IMPG2: variants seen among roughly 807,000 people sequenced by gnomAD.
IMPG2 encodes interphotoreceptor matrix proteoglycan 2, also known as IPM 200.
In IMPG2, 91 loss-of-function variants were observed where a neutral mutation model predicts 129.2. The observed-to-expected ratio is 0.70, with a 90% CI of 0.59 to 0.84. The LOEUF (loss-of-function observed/expected upper bound fraction) is 0.84, where lower values mean the gene tolerates loss of function less well. Among genes scored for constraint, IMPG2 ranks in the 40% least tolerant of loss-of-function variants. The probability of loss-of-function intolerance (pLI) is 0.00; values close to 1 mark genes in which losing one functional copy is unlikely to be tolerated. For missense variants in IMPG2, 1,430 were observed against 1,461.7 expected, an observed-to-expected ratio of 0.98 and a Z score of 0.35; for synonymous variants, 510 against 517.7, an observed-to-expected ratio of 0.99 and a Z score of 0.20.
chr3:101,306,480 A>T (rs1398615235), intron 2 of IMPG2, among the ~76,000 whole-genome samples: 2 of 152,214 alleles, frequency 1.3e-5, no homozygotes, highest in African/African-American at 4.8e-5. Flanking sequence ...GCACTGACTG[A>T]GGCAGAGCTG....
intron 11 of IMPG2, among the ~76,000 whole-genome samples, chr3:101,247,301 T>C (rs1160569106): frequency 6.6e-6 from 1 of 152,066 alleles, no homozygotes; most frequent in Non-Finnish European, 1.5e-5. Flanking sequence ...TTTTCAGTCC[T>C]AAGAAGGTAT....
rs764454738 is a variant in IMPG2 at position 101,244,503 on chromosome 3, C to A, written c.1828G>T (p.Asp610Tyr). 2.2e-5 allele frequency: 36 copies of A among 1,610,734 alleles called. No individual in the cohort carries two copies. The highest frequency in any genetic ancestry group is 2.8e-5 in the Non-Finnish European group (33 of 1,177,742). ...GLGSGSGQKV[D>Y]LITWPWSETS... is the part of the protein sequence containing the mutation. ...TCACTCCATGGCCAAGTAATCAGAT[C>A]TACCTTTTGCCCAGACCCTGAACCT... is the stretch of plus-strand genomic sequence containing the variant. The change falls in exon 13 of 19, where the codon GAT becomes TAT. Residue 610 changes from aspartate (D) to tyrosine (Y), a missense_variant. Coordinates refer to ENST00000193391, the MANE Select transcript of IMPG2 (RefSeq NM_016247.4).
At chr3:101,278,473 AG>A in intron 4 of IMPG2, among the ~76,000 whole-genome samples, 1 of 152,322 alleles carries the variant, frequency 6.6e-6, no homozygotes, top group African/African-American at 2.4e-5. Flanking sequence ...TTTTACTACA[AG>A]CTTAAACAGG....
chr3:101,245,872 C>T lies in IMPG2; in HGVS notation c.1473G>A (p.Pro491=), dbSNP rs371373101. ...VSSLTLHSVT[P]AVLQTGLPVA... ...CAGGCAAGCCAGTCTGAAGCACTGC[C>T]GGGGTGACAGAATGAAGAGTCAAGC... Residue 491 remains proline, a synonymous_variant, in exon 12 of 19, where the codon CCG becomes CCA. Coordinates refer to ENST00000193391, the MANE Select transcript of IMPG2 (RefSeq NM_016247.4). 36 of 1,614,024 alleles carry T rather than the reference C, an allele frequency of 2.2e-5. No individual in the cohort carries two copies. Among genetic ancestry groups the T allele is most frequent in the Middle Eastern group, 1.6e-4 (1 of 6,084 alleles).
rs760775822 is a variant in IMPG2 at position 101,257,813 on chromosome 3, G to A, written c.909-40C>T. On this transcript the variant is annotated intron_variant, in intron 9 of 18. Transcript: ENST00000193391. ...AGAGAACAGGTTAGGTTCAGCTAAG[G>A]AAGCACAAAGAAAGGAGCATTGAAC... 14 of 1,609,428 alleles carry A rather than the reference G, an allele frequency of 8.7e-6. No individual in the cohort carries two copies. The African/African-American group carries it at 1.6e-4, about 18-fold the overall frequency.
At position 101,223,832 on chromosome 3, in the gene IMPG2, T is replaced by C. The variant is rs1394844730; in HGVS notation, c.*3137A>G. The C allele has an allele frequency of 6.6e-6, 1 of 152,208 alleles. No individual in the cohort carries two copies. The highest frequency in any genetic ancestry group is 2.4e-5 in the African/African-American group (1 of 41,440). The allele number at this position is 152,208 out of a possible 1,614,324, so 9.4% of individuals were successfully genotyped here. On this transcript the variant is annotated 3_prime_UTR_variant, in exon 19 of 19. Coordinates refer to ENST00000193391, the MANE Select transcript of IMPG2 (RefSeq NM_016247.4). ...GAATAAAATCAGGTAAAGCCTGCAC[T>C]TGTTTTATTATATAAATTAAATGGG...
intron 14 of IMPG2, among the ~76,000 whole-genome samples, chr3:101,236,128 C>T (rs1576744884): frequency 1.3e-5 from 2 of 152,134 alleles, no homozygotes; most frequent in South Asian, 2.1e-4. Flanking sequence ...TTGTGATTTG[C>T]ATTAGGTTAA....
intron 6 of IMPG2, 91 bp downstream of exon 6, chr3:101,275,572 G>C: frequency 1.1e-6 from 1 of 931,336 alleles, no homozygotes; most frequent in Non-Finnish European, 1.8e-6. Context: ...ACTACATGAA[G>C]TCCTGTGTAG....
chr3:101,264,641 G>A (rs1251160623), intron 9 of IMPG2, among the ~76,000 whole-genome samples: 1 of 152,002 alleles, frequency 6.6e-6, no homozygotes, highest in Non-Finnish European at 1.5e-5. Flanking sequence ...ACTGGAACAA[G>A]GCAAGAATGC....
Position 101,226,816 on chromosome 3 carries a change from G to A in IMPG2, c.*153C>T, listed in dbSNP as rs1576740799. The A allele has an allele frequency of 2.8e-6, 2 of 712,012 alleles. No homozygotes were observed. Among genetic ancestry groups the A allele is most frequent in the Admixed American group, 5.4e-5 (2 of 36,822 alleles). 44.1% of individuals were successfully genotyped at this position (712,012 alleles called of 1,614,324 possible). A position where few individuals can be genotyped will look rare whatever the true frequency, so the allele number is the denominator to read the frequency against. On this transcript the variant is annotated 3_prime_UTR_variant, in exon 19 of 19. Coordinates refer to ENST00000193391, the MANE Select transcript of IMPG2 (RefSeq NM_016247.4). ...CTCTTACTACATTCTGAAAACTTAA[G>A]CTGAAAAAAAAACAGTGTGCCCTAT...
chr3:101,230,140 C>T (rs576623750), intron 16 of IMPG2, among the ~76,000 whole-genome samples: 13 of 152,256 alleles, frequency 8.5e-5, no homozygotes, highest in African/African-American at 3.1e-4. Flanking sequence ...AAGTCAGACA[C>T]AATAAGAATA....
chr3:101,317,324 TA>T (rs1374950082), intron 2 of IMPG2, among the ~76,000 whole-genome samples: 1 of 152,172 alleles, frequency 6.6e-6, no homozygotes, highest in Non-Finnish European at 1.5e-5. Context: ...GTATGCTGTT[TA>T]ATTTTACAAA....
chr3:101,231,422 T>A (rs1168529253), intron 15 of IMPG2, among the ~76,000 whole-genome samples: 1 of 152,232 alleles, frequency 6.6e-6, no homozygotes, highest in Non-Finnish European at 1.5e-5. Context: ...ACATCCTTAT[T>A]TATAGATAAC....
chr3:101,308,803 A>C (rs191145796), intron 2 of IMPG2, among the ~76,000 whole-genome samples: 1 of 152,332 alleles, frequency 6.6e-6, no homozygotes. Flanking sequence ...AAATTTTCTA[A>C]ACTTTTATGC....
chr3:101,285,112 T>C (rs1706931065), intron 4 of IMPG2, among the ~76,000 whole-genome samples: 1 of 152,198 alleles, frequency 6.6e-6, no homozygotes, highest in Admixed American at 6.5e-5. Context: ...GACAATTAAA[T>C]GTAAAAAATC....
chr3:101,320,235 G>C (rs1054924504), intron 1 of IMPG2, 53 bp downstream of exon 1: 24 of 1,031,862 alleles, frequency 2.3e-5, no homozygotes, highest in Non-Finnish European at 3.6e-5. Context: ...TATTTTTGAA[G>C]AACATATACT....
chr3:101,234,908 A>G (rs1159681234), intron 14 of IMPG2, among the ~76,000 whole-genome samples: 1 of 152,252 alleles, frequency 6.6e-6, no homozygotes, highest in Non-Finnish European at 1.5e-5. Context: ...TCCCTTATCT[A>G]AAATTCTTGG....
chr3:101,278,295 G>C (rs1406173773), intron 4 of IMPG2, among the ~76,000 whole-genome samples: 2 of 152,094 alleles, frequency 1.3e-5, no homozygotes, highest in Non-Finnish European at 2.9e-5. Flanking sequence ...AAAGTAATTT[G>C]ATCAACAGTC....
rs185102713 is a variant in IMPG2 at position 101,280,930 on chromosome 3, C to A, written c.534-4217G>T. Among the ~76,000 whole-genome samples the A allele has an allele frequency of 3.7e-3, 551 of 150,600 alleles. 6 individuals carry two copies. The highest frequency in any genetic ancestry group is 0.012 in the African/African-American group (503 of 40,944). On this transcript the variant is annotated intron_variant, in intron 4 of 18. Coordinates refer to ENST00000193391, the MANE Select transcript of IMPG2 (RefSeq NM_016247.4). ...GGCCACTGCACTCCAGCCTGGGTGA[C>A]AGAGCGAGACTGTTGCAAAAAAAAA...
Sources: gnomAD v4.1 joint callset for allele counts (sites outside exome capture counted in the v4.1 genomes callset) on GRCh38, gnomAD v4.1.1 for gene constraint, MANE v1.5 for transcripts, NCBI Gene and HGNC (gene_info 2026-07-23, HGNC 2026-07-21) for gene names.